The following RANBP17 variants were observed in gnomAD, a reference collection of about 807,000 sequenced individuals.
The protein encoded by RANBP17 is ran-binding protein 17.
Under a neutral mutation model 141.2 loss-of-function variants are expected in RANBP17, and 158 were observed. The observed-to-expected ratio is 1.12, with a 90% CI of 0.98 to 1.28. RANBP17 has a LOEUF of 1.28. RANBP17 is among the 50% of genes most tolerant of loss of function. RANBP17 has a pLI of 0.00. For synonymous variants in RANBP17, 430 were observed against 450.0 expected (o/e 0.96, Z 0.56); for missense variants, 1,438 against 1,290.7 (o/e 1.11, Z -1.75).
chr5:170,935,836 GT>G (rs1238458687), intron 12 of RANBP17, among the ~76,000 whole-genome samples: 1 of 152,120 alleles, frequency 6.6e-6, no homozygotes, highest in African/African-American at 2.4e-5. Flanking sequence ...AGACAGGGAC[GT>G]TTAAGTCTGC....
In RANBP17 at chr5:170,909,720, TTC is replaced by T; in HGVS notation, c.554_555del (p.Leu185GlnfsTer39). 1 of 1,598,426 alleles carries T rather than the reference TTC, an allele frequency of 6.3e-7. No homozygotes were observed. Among genetic ancestry groups the T allele is most frequent in the Non-Finnish European group, 8.6e-7 (1 of 1,167,812 alleles). ...RKIATSFRDT[S>X]LKDVLVLACS... The stretch of plus-strand genomic sequence containing the variant: ...AAATAGCTACCTCATTTCGTGATAC[TTC>T]TCTCAAAGACGTTTTAGTGCTAGCA... On this transcript the variant is annotated frameshift_variant, in exon 6 of 28. Coordinates refer to ENST00000523189, the MANE Select transcript of RANBP17 (RefSeq NM_022897.5). LOFTEE classifies it high-confidence loss of function.
intron 24 of RANBP17, among the ~76,000 whole-genome samples, chr5:171,247,158 C>CT (rs1298953807): frequency 3.3e-5 from 5 of 152,192 alleles, no homozygotes; most frequent in Non-Finnish European, 7.4e-5. Flanking sequence ...CATTCAAACT[C>CT]TAAAACCCCT....
chr5:171,292,602 C>T lies in RANBP17; in HGVS notation c.2944-1281C>T, dbSNP rs538181368. ...ATGGTGTGTGCAGTGGTCTTTGCCA[C>T]GTAATTGCCGTTTCCCCTGCCCTCT... On this transcript the variant is annotated intron_variant, in intron 25 of 27. Transcript: ENST00000523189. Among the ~76,000 whole-genome samples, 5 of 152,284 alleles carry T rather than the reference C, an allele frequency of 3.3e-5. No individual in the cohort carries two copies. The South Asian group carries it at 6.2e-4, about 19-fold the overall frequency.
At chr5:170,869,739 T>A (rs984132996) in intron 1 of RANBP17, among the ~76,000 whole-genome samples, 2 of 152,176 alleles carry the variant, frequency 1.3e-5, no homozygotes, top group African/African-American at 4.8e-5. Flanking sequence ...TCCAGCATGA[T>A]CTCATACCAA....
intron 13 of RANBP17, among the ~76,000 whole-genome samples, chr5:170,959,059 A>G (rs1160374604): frequency 1.3e-5 from 2 of 152,212 alleles, no homozygotes; most frequent in East Asian, 3.8e-4. Context: ...TAGCGTTCCA[A>G]TAATGGAACA....
chr5:170,911,189 A>G, intron 7 of RANBP17, 55 bp downstream of exon 7: 1 of 1,495,466 alleles, frequency 6.7e-7, no homozygotes, highest in South Asian at 1.2e-5. Flanking sequence ...AGTATTAAGC[A>G]ATATAGTTTC....
At chr5:171,031,251 G>T (rs1781532851) in intron 14 of RANBP17, among the ~76,000 whole-genome samples, 1 of 151,980 alleles carries the variant, frequency 6.6e-6, no homozygotes. Context: ...TGTGGTGTGT[G>T]TATTAAGGGA....
chr5:170,919,304 T>C (rs1772234054), intron 10 of RANBP17, 137 bp from the exon 11 acceptor site: 1 of 551,492 alleles, frequency 1.8e-6, no homozygotes, highest in Non-Finnish European at 2.9e-6. Context: ...TTTATAAATT[T>C]GCTATATTAT....
intron 21 of RANBP17, among the ~76,000 whole-genome samples, chr5:171,219,518 C>G (rs1486941855): frequency 6.6e-6 from 1 of 152,160 alleles, no homozygotes; most frequent in African/African-American, 2.4e-5. Flanking sequence ...TCATCACTTT[C>G]AGGTACAGCA....
At chr5:171,060,295 G>T (rs1366657729) in intron 14 of RANBP17, among the ~76,000 whole-genome samples, 1 of 138,924 alleles carries the variant, frequency 7.2e-6, no homozygotes, top group Non-Finnish European at 1.6e-5. Context: ...GATATTGGCT[G>T]TGGGTTTGTC....
intron 14 of RANBP17, among the ~76,000 whole-genome samples, chr5:170,993,902 T>G (rs1004071168): frequency 1.3e-5 from 2 of 152,068 alleles, no homozygotes; most frequent in African/African-American, 4.8e-5. Context: ...AAAAAAGGAT[T>G]TTTTTTCCAA....
intron 6 of RANBP17, chr5:170,910,736 T>G: frequency 2.2e-6 from 1 of 452,554 alleles, no homozygotes; most frequent in Non-Finnish European, 4.0e-6. Flanking sequence ...GTGAGTGTCC[T>G]CCAACATTCA....
intron 14 of RANBP17, among the ~76,000 whole-genome samples, chr5:171,140,189 T>G (rs1431829896): frequency 2.0e-5 from 3 of 152,228 alleles, no homozygotes; most frequent in Admixed American, 2.0e-4. Context: ...CACAGCACCC[T>G]CTACTTTTCC....
chr5:171,228,492 A>G (rs1413184159), intron 22 of RANBP17, among the ~76,000 whole-genome samples: 1 of 152,212 alleles, frequency 6.6e-6, no homozygotes. Flanking sequence ...GATGGAATCT[A>G]CTTGTGGCAA....
At chr5:171,251,805 T>A in intron 24 of RANBP17, 1 of 1,201,860 alleles carries the variant, frequency 8.3e-7, no homozygotes, top group Non-Finnish European at 1.2e-6. Context: ...AAGATGGTGC[T>A]GGCCGGATGT....
At chr5:171,164,438 G>GT (rs1759540780) in intron 14 of RANBP17, among the ~76,000 whole-genome samples, 1 of 152,024 alleles carries the variant, frequency 6.6e-6, no homozygotes, top group South Asian at 2.1e-4. Flanking sequence ...TTCTTACCTA[G>GT]TTCCCTTTTT....
At chr5:170,979,680 G>A (rs1561952878) in intron 14 of RANBP17, among the ~76,000 whole-genome samples, 1 of 152,204 alleles carries the variant, frequency 6.6e-6, no homozygotes, top group Non-Finnish European at 1.5e-5. Flanking sequence ...GATGTGACTT[G>A]CTGCTCCTTG....
chr5:170,896,985 C>T, intron 5 of RANBP17: 1 of 1,076,604 alleles, frequency 9.3e-7, no homozygotes, highest in Non-Finnish European at 1.4e-6. Context: ...TTGGCTGCTG[C>T]TTCTGGGACC....
intron 27 of RANBP17, among the ~76,000 whole-genome samples, chr5:171,298,220 T>C (rs1375726334): frequency 6.6e-6 from 1 of 152,106 alleles, no homozygotes; most frequent in South Asian, 2.1e-4. Flanking sequence ...AGACAAGAGG[T>C]TAAGTATTCA....
Sources: allele counts gnomAD v4.1 joint callset (sites outside exome capture counted in the v4.1 genomes callset), GRCh38; gene constraint gnomAD v4.1.1; transcripts MANE v1.5; gene names NCBI Gene and HGNC (gene_info 2026-07-23, HGNC 2026-07-21).